WDR70: variants seen among roughly 807,000 people sequenced by gnomAD.
WDR70 encodes WD repeat-containing protein 70.
In WDR70, 53 loss-of-function variants were observed where a neutral mutation model predicts 88.6. That is an observed-to-expected ratio of 0.60 (90% CI 0.48 to 0.75). The LOEUF (loss-of-function observed/expected upper bound fraction) is 0.75. WDR70 is among the 30% of genes least tolerant of loss of function. The probability of loss-of-function intolerance (pLI) is 0.00; values close to 1 mark genes in which losing one functional copy is unlikely to be tolerated. For synonymous variants in WDR70, 280 were observed against 270.0 expected, an observed-to-expected ratio of 1.04 and a Z score of -0.36; for missense variants, 610 against 823.2, an observed-to-expected ratio of 0.74 and a Z score of 3.17.
intron 17 of WDR70, among the ~76,000 whole-genome samples, chr5:37,739,869 T>C (rs1748423158): frequency 6.6e-6 from 1 of 152,040 alleles, no homozygotes; most frequent in African/African-American, 2.4e-5. Flanking sequence ...TCCAACAGAA[T>C]ATTTCTTAAC....
intron 10 of WDR70, among the ~76,000 whole-genome samples, chr5:37,649,679 A>T (rs139368468): frequency 2.0e-5 from 3 of 149,630 alleles, no homozygotes; most frequent in African/African-American, 7.4e-5. Flanking sequence ...TATAGTACAT[A>T]TGTAAGCACT....
chr5:37,622,774 G>A (rs1744548993), intron 10 of WDR70, among the ~76,000 whole-genome samples: 1 of 152,106 alleles, frequency 6.6e-6, no homozygotes, highest in South Asian at 2.1e-4. Flanking sequence ...ATAGCATTAG[G>A]AGATATACCT....
chr5:37,389,938 T>G (rs1748760163), intron 3 of WDR70, among the ~76,000 whole-genome samples: 1 of 152,206 alleles, frequency 6.6e-6, no homozygotes, highest in South Asian at 2.1e-4. Flanking sequence ...GGTAAGCTTA[T>G]TCCTCATCCT....
rs1750528076 is a variant in WDR70, at chr5:37,437,982, G to GT, written c.552+2dup. The GT allele has an allele frequency of 6.2e-7, 1 of 1,607,162 alleles. No individual in the cohort carries two copies. The highest frequency in any genetic ancestry group is 1.1e-5 in the South Asian group (1 of 89,874). On this transcript the variant is annotated splice_donor_variant, in intron 6 of 17. Transcript: ENST00000265107. LOFTEE classifies it high-confidence loss of function. Reference sequence around the variant, plus strand: ...AACGCTGAAGCATGGCACTAAAACAGTAAGTTTAAAAATCTAGTTTTTTCC... The same window carrying GT: ...AACGCTGAAGCATGGCACTAAAACAGTTAAGTTTAAAAATCTAGTTTTTTCC...
intron 9 of WDR70, among the ~76,000 whole-genome samples, chr5:37,519,326 G>A (rs1320402062): frequency 4.7e-5 from 7 of 149,696 alleles, no homozygotes; most frequent in Middle Eastern, 3.6e-3. Flanking sequence ...GGGCAGAGGC[G>A]CTCCTCACTT....
intron 5 of WDR70, among the ~76,000 whole-genome samples, chr5:37,421,273 T>TAC (rs968431570): frequency 1.3e-5 from 2 of 152,216 alleles, no homozygotes; most frequent in African/African-American, 4.8e-5. Flanking sequence ...GAATCTCTCC[T>TAC]ACATTTGCCT....
At chr5:37,546,747 C>T (rs1226112098) in intron 9 of WDR70, among the ~76,000 whole-genome samples, 3 of 151,896 alleles carry the variant, frequency 2.0e-5, no homozygotes, top group Non-Finnish European at 2.9e-5. Context: ...AGTGAAACCC[C>T]GTCTCTACTA....
chr5:37,722,512 T>A (rs1747852555), intron 14 of WDR70: 1 of 235,164 alleles, frequency 4.3e-6, no homozygotes, highest in Admixed American at 5.1e-5. Context: ...AACTAAAATT[T>A]TAACCCTGTG....
rs918868502 is a variant in WDR70 at position 37,556,196 on chromosome 5, G to T, written c.917+39606G>T. Among the ~76,000 whole-genome samples, 7 of 149,774 alleles carry T rather than the reference G, an allele frequency of 4.7e-5. No homozygotes were observed. The East Asian group carries it at 1.4e-3, about 29-fold the overall frequency. ...ATCGTCTGTGTTTAGATGCAGAGAA[G>T]TATTTGAGAAAAAATAGTCCCACTT... On this transcript the variant is annotated intron_variant, in intron 9 of 17. Coordinates refer to ENST00000265107, the MANE Select transcript of WDR70 (RefSeq NM_018034.4).
intron 10 of WDR70, among the ~76,000 whole-genome samples, chr5:37,606,330 T>C (rs1229760507): frequency 6.6e-6 from 1 of 152,218 alleles, no homozygotes; most frequent in Non-Finnish European, 1.5e-5. Flanking sequence ...TAAAGCTTCA[T>C]AACAGCATAG....
At chr5:37,419,624 G>A (rs1161431146) in intron 5 of WDR70, among the ~76,000 whole-genome samples, 3 of 151,772 alleles carry the variant, frequency 2.0e-5, no homozygotes, top group Admixed American at 6.6e-5. Context: ...GACCAGCCAG[G>A]CCAACATGGC....
intron 5 of WDR70, among the ~76,000 whole-genome samples, chr5:37,406,851 T>C (rs1022840198): frequency 6.6e-6 from 1 of 152,194 alleles, no homozygotes; most frequent in Non-Finnish European, 1.5e-5. Context: ...GAGGTAACAA[T>C]CATATTATTA....
rs111449715 is a variant in WDR70, at chr5:37,717,866, C to G, written c.1417-3249C>G. Among the ~76,000 whole-genome samples, 306 of 152,196 alleles carry G rather than the reference C, an allele frequency of 2.0e-3. 1 individual carries two copies. Among genetic ancestry groups the G allele is most frequent in the Non-Finnish European group, 3.6e-3 (245 of 68,002 alleles). On this transcript the variant is annotated intron_variant, in intron 13 of 17. Coordinates refer to ENST00000265107, the MANE Select transcript of WDR70 (RefSeq NM_018034.4). ...AACACACACAATAAATATTAATAAA[C>G]AAAAAAGGCCCACCCACCTTTGGCT...
At chr5:37,639,161 T>A (rs1227550564) in intron 10 of WDR70, among the ~76,000 whole-genome samples, 1 of 152,188 alleles carries the variant, frequency 6.6e-6, no homozygotes, top group Non-Finnish European at 1.5e-5. Context: ...AGTTGCTTAT[T>A]TGAGTATTAT....
intron 9 of WDR70, among the ~76,000 whole-genome samples, chr5:37,557,175 G>A (rs937814636): frequency 6.8e-6 from 1 of 147,382 alleles, no homozygotes; most frequent in African/African-American, 2.5e-5. Flanking sequence ...ATGGTTACCT[G>A]TTGTTTCAAA....
At chr5:37,646,018 AT>A (rs371112443) in intron 10 of WDR70, among the ~76,000 whole-genome samples, 326 of 151,744 alleles carry the variant, frequency 2.1e-3, no homozygotes, top group African/African-American at 7.2e-3. Context: ...AATTAAAAAA[AT>A]TTTTTTTGTG....
chr5:37,679,022 A>G (rs1462344602), intron 10 of WDR70, among the ~76,000 whole-genome samples: 2 of 152,190 alleles, frequency 1.3e-5, no homozygotes, highest in Non-Finnish European at 2.9e-5. Context: ...AGTTGATCAC[A>G]TCAGCTCCTG....
chr5:37,622,596 A>G (rs1157326971), intron 10 of WDR70, among the ~76,000 whole-genome samples: 6 of 152,352 alleles, frequency 3.9e-5, no homozygotes, highest in South Asian at 2.1e-4. Flanking sequence ...TTGTAGGGAC[A>G]TGGATGAAGC....
At chr5:37,714,372 T>C (rs1031603132) in intron 13 of WDR70, among the ~76,000 whole-genome samples, 2 of 152,174 alleles carry the variant, frequency 1.3e-5, no homozygotes, top group African/African-American at 2.4e-5. Flanking sequence ...AGACCAAACA[T>C]AGAAAAACCA....
Sources: gnomAD v4.1 joint callset for allele counts (sites outside exome capture counted in the v4.1 genomes callset) on GRCh38, gnomAD v4.1.1 for gene constraint, MANE v1.5 for transcripts, NCBI Gene and HGNC (gene_info 2026-07-23, HGNC 2026-07-21) for gene names.